Variants in COL22A1 observed in about 807,000 individuals in gnomAD.
The protein encoded by COL22A1 is collagen type XXII alpha 1 chain.
A neutral mutation model predicts 248.9 loss-of-function variants in COL22A1; 221 were observed. The observed-to-expected ratio is 0.89, with a 90% confidence interval of 0.80 to 0.99. The LOEUF (loss-of-function observed/expected upper bound fraction) is 0.99, where lower values mean the gene tolerates loss of function less well. Among genes scored for constraint, COL22A1 ranks in the 50% least tolerant of loss-of-function variants. The pLI is 0.00. For missense variants in COL22A1, 2,240 were observed against 2,179.0 expected (o/e 1.03, Z -0.56); for synonymous variants, 891 against 793.4 (o/e 1.12, Z -2.07).
intron 47 of COL22A1, among the ~76,000 whole-genome samples, chr8:138,638,306 A>T (rs1212654680): frequency 1.3e-5 from 2 of 152,210 alleles, no homozygotes; most frequent in Admixed American, 6.5e-5. Context: ...ACTGTAGGTC[A>T]ATCTTTGTTG....
chr8:138,614,007 G>A (rs767230668), intron 55 of COL22A1, 87 bp from the exon 56 acceptor site: 9 of 1,063,890 alleles, frequency 8.5e-6, no homozygotes, highest in East Asian at 2.4e-5. Flanking sequence ...ACCAAACCTC[G>A]CCAAGTTACC....
At chr8:138,760,150 G>A in intron 18 of COL22A1, 93 bp downstream of exon 18, 1 of 1,064,124 alleles carries the variant, frequency 9.4e-7, no homozygotes, top group Non-Finnish European at 1.3e-6. Context: ...TTGCCACCCA[G>A]GCCCCTTCCC....
At chr8:138,620,438 G>T (rs1440689152) in intron 52 of COL22A1, 1 of 152,086 alleles carries the variant, frequency 6.6e-6, no homozygotes, top group Non-Finnish European at 1.5e-5. Flanking sequence ...AGAAAGAAGG[G>T]TGGGGCCTAA....
intron 11 of COL22A1, among the ~76,000 whole-genome samples, chr8:138,798,798 A>G (rs1013726738): frequency 2.0e-5 from 3 of 152,066 alleles, no homozygotes; most frequent in Admixed American, 6.5e-5. Context: ...CATTTTTACT[A>G]TAATGTTTGT....
At chr8:138,810,982 C>A in intron 9 of COL22A1, among the ~76,000 whole-genome samples, 1 of 152,142 alleles carries the variant, frequency 6.6e-6, no homozygotes, top group Non-Finnish European at 1.5e-5. Flanking sequence ...TGAAGGGCCC[C>A]GGGGCCATTG....
chr8:138,839,748 A>T (rs756370557), intron 4 of COL22A1, among the ~76,000 whole-genome samples: 3 of 152,174 alleles, frequency 2.0e-5, no homozygotes, highest in Admixed American at 6.5e-5. Flanking sequence ...GACATCCAGG[A>T]TGTCTGTGGC....
rs148910043 is a variant in COL22A1, at chr8:138,607,132, G to T, written c.4033-680C>A. Among the ~76,000 whole-genome samples, 435 of 152,262 alleles carry T rather than the reference G, an allele frequency of 2.9e-3. 2 individuals carry two copies. Among genetic ancestry groups the T allele is most frequent in the African/African-American group, 9.9e-3 (412 of 41,550 alleles). Reference sequence around the variant, plus strand: ...TTGCCTGGAACCAGTAGGTTTCCCAGGATGCAGGATTTTCCAGTTGGGAAA... The same window carrying T: ...TTGCCTGGAACCAGTAGGTTTCCCATGATGCAGGATTTTCCAGTTGGGAAA... On this transcript the variant is annotated intron_variant, in intron 57 of 64. Coordinates refer to ENST00000303045, the MANE Select transcript of COL22A1 (RefSeq NM_152888.3).
Position 138,847,346 on chromosome 8 carries a change from C to A in COL22A1, c.659-3188G>T, listed in dbSNP as rs16909686. Among the ~76,000 whole-genome samples the A allele has an allele frequency of 6.7e-3, 1,015 of 152,340 alleles. 11 individuals are homozygous for A. Among genetic ancestry groups the A allele is most frequent in the East Asian group, 0.023 (118 of 5,186 alleles). On this transcript the variant is annotated intron_variant, in intron 3 of 64. Coordinates refer to ENST00000303045, the MANE Select transcript of COL22A1 (RefSeq NM_152888.3). ...TTTTGATGAGCCACTGAGAGTATTTCATGGGCCCTTGAGCTCCTGCCCTGG... is the reference window on the plus strand; with the variant it reads ...TTTTGATGAGCCACTGAGAGTATTTAATGGGCCCTTGAGCTCCTGCCCTGG...
intron 1 of COL22A1, among the ~76,000 whole-genome samples, chr8:138,912,955 G>A (rs12550374): frequency 0.3 from 45,217 of 151,976 alleles, 7,161 homozygotes; most frequent in African/African-American, 0.42. Context: ...CAATAACACA[G>A]CTAATTCAAA....
At chr8:138,858,352 TTC>T (rs1269792889) in intron 3 of COL22A1, among the ~76,000 whole-genome samples, 19 of 152,176 alleles carry the variant, frequency 1.2e-4, no homozygotes, top group Admixed American at 9.2e-4. Flanking sequence ...TTTTCTTTTT[TTC>T]TTTTTCTTTG....
intron 32 of COL22A1, 60 bp downstream of exon 32, chr8:138,700,052 C>T (rs982790557): frequency 2.6e-6 from 4 of 1,542,068 alleles, no homozygotes; most frequent in Non-Finnish European, 2.7e-6. Flanking sequence ...CCAGGCCACA[C>T]TGGACATTGC....
At chr8:138,715,858 G>A (rs1052430667) in intron 29 of COL22A1, 123 bp from the exon 30 acceptor site, 3 of 724,260 alleles carry the variant, frequency 4.1e-6, no homozygotes, top group South Asian at 3.6e-5. Flanking sequence ...TCTCTCACTT[G>A]TCCTTGCCTT....
intron 7 of COL22A1, among the ~76,000 whole-genome samples, chr8:138,819,293 T>G (rs1437765866): frequency 6.6e-6 from 1 of 152,106 alleles, no homozygotes; most frequent in Non-Finnish European, 1.5e-5. Flanking sequence ...AAATAAGCAA[T>G]TAGTATACAA....
At chr8:138,598,347 A>G (rs1340096476) in intron 61 of COL22A1, among the ~76,000 whole-genome samples, 1 of 152,144 alleles carries the variant, frequency 6.6e-6, no homozygotes, top group East Asian at 1.9e-4. Context: ...GACCCCTGGG[A>G]GCTGGGTGTC....
At chr8:138,636,030 G>C (rs1564125127) in intron 48 of COL22A1, among the ~76,000 whole-genome samples, 2 of 152,186 alleles carry the variant, frequency 1.3e-5, no homozygotes, top group African/African-American at 4.8e-5. Context: ...CACTGGCTGT[G>C]AGATGCAGAA....
Position 138,877,995 on chromosome 8 carries a change from C to G in COL22A1, c.413G>C (p.Arg138Thr). 2 of 1,584,006 alleles carry G rather than the reference C, an allele frequency of 1.3e-6. No individual in the cohort carries two copies. Among genetic ancestry groups the G allele is most frequent in the Non-Finnish European group, 1.7e-6 (2 of 1,165,432 alleles). Residue 138 changes from arginine to threonine, a missense_variant, in exon 3 of 65, where the codon AGG becomes ACG. Physicochemically the swap from Arg to Thr is moderately conservative, Grantham distance 71. Coordinates refer to ENST00000303045, the MANE Select transcript of COL22A1 (RefSeq NM_152888.3). ...SFSPHAGGRPRDRAYKQVAIL... is the reference protein window; with the variant it reads ...SFSPHAGGRPTDRAYKQVAIL... ...GGCCACCTGCTTGTAGGCGCGGTCC[C>G]TGGGGCGGCCGCCGGCGTGTGGGGA... is the stretch of plus-strand genomic sequence containing the variant.
chr8:138,690,902 C>T, intron 35 of COL22A1, 28 bp from the exon 36 acceptor site: 1 of 1,590,350 alleles, frequency 6.3e-7, no homozygotes, highest in Non-Finnish European at 8.6e-7. Flanking sequence ...TTTAGAAAGG[C>T]CAAACGCATT....
Position 138,775,992 on chromosome 8 carries a change from C to T in COL22A1, c.1777G>A (p.Gly593Ser), listed in dbSNP as rs745998417. The T allele has an allele frequency of 3.7e-6, 6 of 1,614,148 alleles. No individual in the cohort carries two copies. Among genetic ancestry groups the T allele is most frequent in the Middle Eastern group, 1.6e-4 (1 of 6,062 alleles). Residue 593 changes from glycine to serine, a missense_variant, in exon 16 of 65, where the codon GGT (glycine) becomes AGT (serine). Transcript: ENST00000303045. ...VGAPGLQGER[G>S]EKGTRGEKGE... ...TTTTCTCCTCGAGTTCCCTTTTCAC[C>T]TCGTTCTCCTTGGAGACCCTGGGGG...
At chr8:138,833,762 G>A (rs1406257514) in intron 4 of COL22A1, among the ~76,000 whole-genome samples, 6 of 152,154 alleles carry the variant, frequency 3.9e-5, no homozygotes, top group African/African-American at 1.4e-4. Context: ...CATTGTCAAT[G>A]TAAAGTAACA....
Sources: allele counts gnomAD v4.1 joint callset (sites outside exome capture counted in the v4.1 genomes callset), GRCh38; gene constraint gnomAD v4.1.1; transcripts MANE v1.5; gene names NCBI Gene and HGNC (gene_info 2026-07-23, HGNC 2026-07-21).